Variants in ANO9 observed in about 807,000 individuals in gnomAD.
ANO9 encodes anoctamin 9, also known as anoctamin-9.
ANO9 carries 80 observed loss-of-function variants against 100.5 expected under a neutral mutation model. That is an observed-to-expected ratio of 0.80 (90% confidence interval 0.66 to 0.96). The LOEUF is 0.96. ANO9 is among the 40% of genes least tolerant of loss of function. The pLI is 0.00. For synonymous variants in ANO9, 473 were observed against 435.6 expected (o/e 1.09, Z -1.07); for missense variants, 1,064 against 1,072.7 (o/e 0.99, Z 0.11).
chr11:420,906 G>A, intron 17 of ANO9, 39 bp downstream of exon 17: 1 of 1,595,438 alleles, frequency 6.3e-7, no homozygotes, highest in Non-Finnish European at 8.5e-7. Flanking sequence ...GGGCGGAGGG[G>A]CCTGGGGCTC....
At chr11:437,696 G>C (rs1216294189) in intron 1 of ANO9, among the ~76,000 whole-genome samples, 3 of 152,246 alleles carry the variant, frequency 2.0e-5, no homozygotes, top group East Asian at 1.9e-4. Context: ...GCCTCCCTGG[G>C]GGGGACTGGT....
intron 1 of ANO9, among the ~76,000 whole-genome samples, chr11:436,949 A>G (rs1289103255): frequency 9.5e-4 from 5 of 5,274 alleles, no homozygotes; most frequent in Non-Finnish European, 1.5e-3. Flanking sequence ...GGGGGTGAGC[A>G]GGGGGTGAGC....
rs766168627 is a variant in ANO9, at chr11:431,772, C to T, written c.466-5G>A. ...CTTCTTCAGGCGTCCCTCCCCCTGGCTCGGGTGACAGAGAGTGAGAGCCCC... is the reference window on the plus strand; with the variant it reads ...CTTCTTCAGGCGTCCCTCCCCCTGGTTCGGGTGACAGAGAGTGAGAGCCCC... On this transcript the variant is annotated splice_region_variant and splice_polypyrimidine_tract_variant and intron_variant, in intron 6 of 22. Transcript: ENST00000332826. 1.9e-6 allele frequency: 3 copies of T among 1,612,522 alleles called. No individual in the cohort carries two copies. The highest frequency in any genetic ancestry group is 2.5e-6 in the Non-Finnish European group (3 of 1,179,568).
chr11:429,476 C>T, intron 11 of ANO9, 94 bp downstream of exon 11: 1 of 1,545,062 alleles, frequency 6.5e-7, no homozygotes, highest in Non-Finnish European at 8.7e-7. Flanking sequence ...ACACACACCT[C>T]AGACACGGCA....
intron 1 of ANO9, among the ~76,000 whole-genome samples, chr11:440,988 TCTC>T (rs1440300765): frequency 6.6e-6 from 1 of 152,082 alleles, no homozygotes; most frequent in African/African-American, 2.4e-5. Context: ...GCCCCAAGTC[TCTC>T]CTCTAACCCC....
chr11:433,237 G>A (rs1849162534), intron 4 of ANO9, 77 bp downstream of exon 4: 1 of 1,530,988 alleles, frequency 6.5e-7, no homozygotes, highest in Admixed American at 2.2e-5. Flanking sequence ...GCCTGGCACT[G>A]TCTCCTGCCC....
Position 431,688 on chromosome 11 carries a change from C to G in ANO9, c.539+6G>C. Reference sequence around the variant, plus strand: ...GGGTTCCTGTGCTCTCTTTGGGCAGCGTTACCTGATTTCATCAACTGGCTG... The same window carrying G: ...GGGTTCCTGTGCTCTCTTTGGGCAGGGTTACCTGATTTCATCAACTGGCTG... On this transcript the variant is annotated splice_donor_region_variant and intron_variant, in intron 7 of 22. Coordinates refer to ENST00000332826, the MANE Select transcript of ANO9 (RefSeq NM_001012302.3). 1 of 1,612,086 alleles carries G rather than the reference C, an allele frequency of 6.2e-7. No homozygotes were observed. Among genetic ancestry groups the G allele is most frequent in the Non-Finnish European group, 8.5e-7 (1 of 1,179,396 alleles).
rs377737999 is a variant in ANO9 at position 418,788 on chromosome 11, C to T, written c.2062G>A (p.Asp688Asn). 7 of 1,612,984 alleles carry T rather than the reference C, an allele frequency of 4.3e-6. No individual in the cohort carries two copies. The highest frequency in any genetic ancestry group is 1.3e-5 in the African/African-American group (1 of 75,018). The change falls in exon 22 of 23, where the codon GAT (aspartate) becomes AAT (asparagine). Residue 688 changes from aspartate (D) to asparagine (N), a missense_variant. Physicochemically the swap from Asp to Asn is conservative, Grantham distance 23. Transcript: ENST00000332826. ...CRYRDYRNPP[D>N]YNFSEQFWFL... ...CAGAACTGCTCGGAGAAGTTGTAAT[C>T]GGGGGGATTGCGGTAGTCCCTGTAT...
chr11:420,267 G>C (rs1397379016), intron 19 of ANO9, 196 bp downstream of exon 19: 1 of 1,428,002 alleles, frequency 7.0e-7, no homozygotes, highest in African/African-American at 1.4e-5. Context: ...CCTACAAAGC[G>C]CTCGGCCCCG....
In ANO9 at chr11:428,711, C is replaced by T. The variant is rs552550820; in HGVS notation, c.1020+11G>A. On this transcript the variant is annotated intron_variant, in intron 12 of 22. Coordinates refer to ENST00000332826, the MANE Select transcript of ANO9 (RefSeq NM_001012302.3). ...CGGGTCTCCAGCCCCACCGCGGTGT[C>T]CCCTGCGTACCATGAGCAGGGTCAG... 6.9e-5 allele frequency: 112 copies of T among 1,612,938 alleles called. 1 individual carries two copies. In the South Asian group the frequency reaches 1.2e-3, roughly 18 times the overall value.
chr11:425,709 T>C (rs1397374644), intron 15 of ANO9, among the ~76,000 whole-genome samples: 1 of 150,830 alleles, frequency 6.6e-6, no homozygotes, highest in Non-Finnish European at 1.5e-5. Flanking sequence ...AATAGTTTTT[T>C]GTTTTTTGTT....
rs1343768947 is a variant in ANO9, at chr11:429,827, G to A, written c.772-9C>T. The A allele has an allele frequency of 6.3e-7, 1 of 1,595,528 alleles. No homozygotes were observed. The highest frequency in any genetic ancestry group is 8.6e-7 in the Non-Finnish European group (1 of 1,169,344). ...TCAAAGAGGTGGGTGAGCTGGGGGGGTGATAGGTGGGCCGGAGAGGAGGTG... is the reference window on the plus strand; with the variant it reads ...TCAAAGAGGTGGGTGAGCTGGGGGGATGATAGGTGGGCCGGAGAGGAGGTG... On this transcript the variant is annotated splice_polypyrimidine_tract_variant and intron_variant, in intron 9 of 22. Coordinates refer to ENST00000332826, the MANE Select transcript of ANO9 (RefSeq NM_001012302.3).
At chr11:423,923 ATT>A (rs1172176996) in intron 15 of ANO9, among the ~76,000 whole-genome samples, 8 of 150,320 alleles carry the variant, frequency 5.3e-5, no homozygotes, top group African/African-American at 2.0e-4. Flanking sequence ...ACACACACAC[ATT>A]TGAGATGGAG....
intron 3 of ANO9, 73 bp from the exon 4 acceptor site, chr11:433,532 C>G (rs7395790): frequency 0.22 from 353,687 of 1,575,712 alleles, 46,256 homozygotes; most frequent in East Asian, 0.64. Flanking sequence ...ACCCTCCCCC[C>G]TCTATTCCAC....
intron 1 of ANO9, among the ~76,000 whole-genome samples, chr11:439,406 T>G (rs533573312): frequency 8.7e-6 from 1 of 114,904 alleles, no homozygotes; most frequent in South Asian, 3.3e-4. Flanking sequence ...CAGTCCAGCC[T>G]CCAGGTTGGG....
rs1848253543 is a variant in ANO9 at position 422,483 on chromosome 11, T to C, written c.1335-1285A>G. 6.6e-6 allele frequency among the ~76,000 whole-genome samples: 1 copy of C among 152,196 alleles called. No homozygotes were observed. The highest frequency in any genetic ancestry group is 2.4e-5 in the African/African-American group (1 of 41,458). ...TGGTGTAATCACAAGGGTCCCTCTGTGGGGACAGGGAGCAGCTGGGAGCTG... is the reference window on the plus strand; with the variant it reads ...TGGTGTAATCACAAGGGTCCCTCTGCGGGGACAGGGAGCAGCTGGGAGCTG... On this transcript the variant is annotated intron_variant, in intron 15 of 22. Coordinates refer to ENST00000332826, the MANE Select transcript of ANO9 (RefSeq NM_001012302.3). This position sits in a 1 kb window ranked among gnomAD's most constrained non-coding sequence, Gnocchi z 4.3.
At position 429,556 on chromosome 11, in the gene ANO9, C is replaced by T; in HGVS notation, c.915+14G>A. The T allele has an allele frequency of 6.2e-7, 1 of 1,612,172 alleles. No individual in the cohort carries two copies. Among genetic ancestry groups the T allele is most frequent in the Admixed American group, 1.7e-5 (1 of 59,994 alleles). On this transcript the variant is annotated intron_variant, in intron 11 of 22. Coordinates refer to ENST00000332826, the MANE Select transcript of ANO9 (RefSeq NM_001012302.3). ...CTCGGGTCGGCCTCAGCTGCGCTGC[C>T]AGCTCCACCTCACCTGTTCCTCGTC...
chr11:419,366 C>T (rs1848037033), intron 20 of ANO9: 2 of 1,416,124 alleles, frequency 1.4e-6, no homozygotes, highest in Middle Eastern at 2.6e-4. Flanking sequence ...AACTTCACCC[C>T]CAACTGCGGT....
chr11:429,877 G>A (rs1848782742), intron 9 of ANO9, 59 bp from the exon 10 acceptor site: 1 of 1,447,776 alleles, frequency 6.9e-7, no homozygotes, highest in Non-Finnish European at 9.4e-7. Context: ...GGGGGCAGGT[G>A]AGCCAGGGAG....
Sources: gnomAD v4.1 joint callset for allele counts (sites outside exome capture counted in the v4.1 genomes callset) on GRCh38, gnomAD v4.1.1 for gene constraint, Gnocchi (gnomAD v3.1) non-coding constraint, MANE v1.5 for transcripts, NCBI Gene and HGNC (gene_info 2026-07-23, HGNC 2026-07-21) for gene names.